The following CAMK2D variants were observed in gnomAD, a reference collection of about 807,000 sequenced individuals.
CAMK2D encodes calcium/calmodulin dependent protein kinase II delta, also known as calcium/calmodulin-dependent protein kinase type II subunit delta.
Under a neutral mutation model 84.0 loss-of-function variants are expected in CAMK2D, and 37 were observed. That is an observed-to-expected ratio of 0.44 (90% CI 0.34 to 0.58). The LOEUF (loss-of-function observed/expected upper bound fraction) is 0.58. Ranked by LOEUF, CAMK2D falls within the 20% of genes least tolerant of loss-of-function variation. The pLI, the probability that CAMK2D is intolerant of heterozygous loss-of-function variation, is 0.02. For synonymous variants in CAMK2D, 202 were observed against 212.5 expected, an observed-to-expected ratio of 0.95 and a Z score of 0.43; for missense variants, 448 against 652.5, an observed-to-expected ratio of 0.69 and a Z score of 3.41.
intron 6 of CAMK2D, among the ~76,000 whole-genome samples, chr4:113,541,028 G>C (rs1201593136): frequency 6.6e-6 from 1 of 152,178 alleles, no homozygotes; most frequent in Non-Finnish European, 1.5e-5. Context: ...GCTGTAATGA[G>C]CAGCAACTGT....
intron 2 of CAMK2D, among the ~76,000 whole-genome samples, chr4:113,706,477 T>C (rs2099456061): frequency 6.6e-6 from 1 of 152,078 alleles, no homozygotes; most frequent in South Asian, 2.1e-4. Context: ...ATGAGAAAAG[T>C]TAAAACTGAA....
At chr4:113,724,399 ATTAAC>A (rs2099539936) in intron 2 of CAMK2D, among the ~76,000 whole-genome samples, 1 of 151,968 alleles carries the variant, frequency 6.6e-6, no homozygotes, top group African/African-American at 2.4e-5. Context: ...TGTATACAAT[ATTAAC>A]TTATAACAGT....
intron 2 of CAMK2D, among the ~76,000 whole-genome samples, chr4:113,703,444 G>C (rs1355501503): frequency 6.6e-6 from 1 of 152,066 alleles, no homozygotes; most frequent in Non-Finnish European, 1.5e-5. Context: ...TTCCACCTCA[G>C]CCTCCCGAGT....
intron 16 of CAMK2D, among the ~76,000 whole-genome samples, chr4:113,484,752 G>A (rs919294823): frequency 6.6e-6 from 1 of 152,022 alleles, no homozygotes; most frequent in Non-Finnish European, 1.5e-5. Flanking sequence ...TTCTTTGGGG[G>A]CTCTTTACAA....
chr4:113,680,579 G>A (rs180688086), intron 2 of CAMK2D, among the ~76,000 whole-genome samples: 31 of 152,164 alleles, frequency 2.0e-4, no homozygotes, highest in African/African-American at 7.0e-4. Flanking sequence ...AAGCTGAGTG[G>A]GACAAACAAA....
chr4:113,720,167 G>C lies in CAMK2D; in HGVS notation c.160+39153C>G, dbSNP rs565832541. ...TGTTCAAATGTCTAGCATTTGAAGG[G>C]GTCACAAATCATTAGTCTATTTGGG... On this transcript the variant is annotated intron_variant, in intron 2 of 20. Coordinates refer to ENST00000511664, the MANE Select transcript of CAMK2D (RefSeq NM_001321571.2). 2.0e-5 allele frequency among the ~76,000 whole-genome samples: 3 copies of C among 152,014 alleles called. No individual in the cohort carries two copies. In the South Asian group the frequency reaches 6.2e-4, roughly 32 times the overall value.
At chr4:113,685,198 A>G (rs530524985) in intron 2 of CAMK2D, among the ~76,000 whole-genome samples, 1 of 149,818 alleles carries the variant, frequency 6.7e-6, no homozygotes, top group African/African-American at 2.5e-5. Context: ...ATACCACCTT[A>G]TATCATTTGA....
At chr4:113,630,646 A>G (rs1012204169) in intron 3 of CAMK2D, among the ~76,000 whole-genome samples, 1 of 152,184 alleles carries the variant, frequency 6.6e-6, no homozygotes, top group South Asian at 2.1e-4. Context: ...TGTCACTTTC[A>G]TATCAAAAAT....
chr4:113,759,213 A>C, intron 2 of CAMK2D, 107 bp downstream of exon 2: 1 of 609,894 alleles, frequency 1.6e-6, no homozygotes, highest in South Asian at 3.0e-5. Context: ...TATGATACCT[A>C]AGTCTAAAGT....
intron 2 of CAMK2D, among the ~76,000 whole-genome samples, chr4:113,722,915 GAGA>G (rs1302008716): frequency 1.3e-5 from 2 of 152,264 alleles, no homozygotes; most frequent in East Asian, 3.9e-4. Context: ...GAGAGAGAGA[GAGA>G]AGGTCACTAA....
At chr4:113,720,540 T>C (rs1001500062) in intron 2 of CAMK2D, among the ~76,000 whole-genome samples, 17 of 152,118 alleles carry the variant, frequency 1.1e-4, no homozygotes, top group African/African-American at 3.6e-4. Flanking sequence ...GAATCTGATA[T>C]TGGCCATCTA....
chr4:113,739,401 T>G (rs1562153438), intron 2 of CAMK2D, among the ~76,000 whole-genome samples: 1 of 152,126 alleles, frequency 6.6e-6, no homozygotes, highest in African/African-American at 2.4e-5. Flanking sequence ...TGTGGGTATC[T>G]GCCACAGCCC....
At chr4:113,468,134 C>T (rs562139955) in intron 16 of CAMK2D, among the ~76,000 whole-genome samples, 1 of 152,200 alleles carries the variant, frequency 6.6e-6, no homozygotes, top group African/African-American at 2.4e-5. Flanking sequence ...CACTGCCTCA[C>T]AAGCATAATA....
intron 3 of CAMK2D, among the ~76,000 whole-genome samples, chr4:113,634,581 A>G (rs2099102776): frequency 6.6e-6 from 1 of 152,204 alleles, no homozygotes; most frequent in Non-Finnish European, 1.5e-5. Flanking sequence ...AATCAATTAC[A>G]AGCTGCTTTC....
At chr4:113,516,585 A>C (rs1282218045) in intron 9 of CAMK2D, among the ~76,000 whole-genome samples, 2 of 151,926 alleles carry the variant, frequency 1.3e-5, no homozygotes, top group African/African-American at 4.8e-5. Flanking sequence ...AATTCAAAGA[A>C]TATACATTTT....
At chr4:113,625,939 A>C (rs1208617453) in intron 3 of CAMK2D, among the ~76,000 whole-genome samples, 1 of 151,864 alleles carries the variant, frequency 6.6e-6, no homozygotes, top group African/African-American at 2.4e-5. Context: ...GCTTGAACCC[A>C]GGAGGTGGAG....
chr4:113,643,431 T>C (rs2099140038), intron 3 of CAMK2D, among the ~76,000 whole-genome samples: 1 of 152,208 alleles, frequency 6.6e-6, no homozygotes, highest in Non-Finnish European at 1.5e-5. Context: ...ATTTAAAGTG[T>C]GTAGAACAAA....
At chr4:113,617,832 A>G (rs1592013040) in intron 3 of CAMK2D, among the ~76,000 whole-genome samples, 1 of 149,880 alleles carries the variant, frequency 6.7e-6, no homozygotes. Context: ...ATAAAAAATA[A>G]CAAGAATAAA....
chr4:113,643,010 A>C (rs1241735619), intron 3 of CAMK2D, among the ~76,000 whole-genome samples: 1 of 152,230 alleles, frequency 6.6e-6, no homozygotes, highest in Non-Finnish European at 1.5e-5. Context: ...AAAAGGGAAC[A>C]TCTGAACAGT....
Sources: gnomAD v4.1 joint callset for allele counts (sites outside exome capture counted in the v4.1 genomes callset) on GRCh38, gnomAD v4.1.1 for gene constraint, MANE v1.5 for transcripts, NCBI Gene and HGNC (gene_info 2026-07-23, HGNC 2026-07-21) for gene names.